The following SNX29 variants were observed in gnomAD, a reference collection of about 807,000 sequenced individuals.
SNX29 encodes the protein sorting nexin-29.
A neutral mutation model predicts 102.1 loss-of-function variants in SNX29; 78 were observed. That is an observed-to-expected ratio of 0.76 (90% CI 0.64 to 0.92). The LOEUF is 0.92. Among genes scored for constraint, SNX29 ranks in the 40% least tolerant of loss-of-function variants. SNX29 has a pLI of 0.00. For synonymous variants in SNX29, 580 were observed against 414.5 expected, an observed-to-expected ratio of 1.40 and a Z score of -4.85; for missense variants, 1,280 against 1,061.7, an observed-to-expected ratio of 1.21 and a Z score of -2.86.
At chr16:12,294,138 C>T (rs985720974) in intron 15 of SNX29, among the ~76,000 whole-genome samples, 5 of 152,232 alleles carry the variant, frequency 3.3e-5, no homozygotes, top group Non-Finnish European at 7.3e-5. Context: ...TAGCTCTAGG[C>T]GCATGCCTGG....
At chr16:12,498,130 A>G (rs2088923950) in intron 19 of SNX29, among the ~76,000 whole-genome samples, 1 of 152,230 alleles carries the variant, frequency 6.6e-6, no homozygotes, top group Admixed American at 6.5e-5. Flanking sequence ...GCATTCAGCT[A>G]TTGAAGCAGA....
At chr16:12,322,917 TCACCGGGGAC>T (rs2080991486) in intron 15 of SNX29, among the ~76,000 whole-genome samples, 1 of 135,038 alleles carries the variant, frequency 7.4e-6, no homozygotes, top group African/African-American at 3.0e-5. Flanking sequence ...GTCACTGGAG[TCACCGGGGAC>T]CACTGTCAGG....
chr16:12,217,142 T>TC (rs2077345555), intron 14 of SNX29, among the ~76,000 whole-genome samples: 3 of 152,184 alleles, frequency 2.0e-5, no homozygotes, highest in Admixed American at 6.5e-5. Flanking sequence ...GATTCTCCCA[T>TC]CTCAGCCTCT....
At chr16:12,399,420 G>A (rs906114250) in intron 17 of SNX29, among the ~76,000 whole-genome samples, 1 of 152,218 alleles carries the variant, frequency 6.6e-6, no homozygotes, top group African/African-American at 2.4e-5. Context: ...AAATGGATAA[G>A]TTGTCTCCTC....
intron 14 of SNX29, among the ~76,000 whole-genome samples, chr16:12,221,309 T>C (rs1160394835): frequency 4.6e-5 from 7 of 152,110 alleles, no homozygotes; most frequent in Non-Finnish European, 1.0e-4. Context: ...CTCGTCTTGT[T>C]CCTGTCCAAA....
intron 15 of SNX29, among the ~76,000 whole-genome samples, chr16:12,353,590 C>T (rs541832425): frequency 5.9e-5 from 9 of 152,216 alleles, no homozygotes; most frequent in East Asian, 1.9e-4. Context: ...CACCTCTCTC[C>T]GCCTCCTCCC....
chr16:12,485,528 T>A (rs1302607213), intron 19 of SNX29, among the ~76,000 whole-genome samples: 1 of 152,144 alleles, frequency 6.6e-6, no homozygotes, highest in East Asian at 1.9e-4. Context: ...AGGAACCGAC[T>A]GGTACTCGCC....
At chr16:12,229,811 A>G (rs2077718243) in intron 14 of SNX29, among the ~76,000 whole-genome samples, 1 of 152,212 alleles carries the variant, frequency 6.6e-6, no homozygotes. Flanking sequence ...GTACTGGTCA[A>G]CTGTGCTTGG....
intron 20 of SNX29, among the ~76,000 whole-genome samples, chr16:12,562,561 C>G (rs1205561536): frequency 1.3e-5 from 2 of 152,166 alleles, no homozygotes; most frequent in Non-Finnish European, 2.9e-5. Flanking sequence ...GACACTGTCC[C>G]CGTGGTCCCT....
At chr16:12,174,295 T>A (rs1010119308) in intron 13 of SNX29, among the ~76,000 whole-genome samples, 10 of 152,214 alleles carry the variant, frequency 6.6e-5, no homozygotes, top group Admixed American at 2.6e-4. Flanking sequence ...GTGGGAAGTT[T>A]GGTGCAGTGA....
intron 13 of SNX29, among the ~76,000 whole-genome samples, chr16:12,165,446 T>A (rs1299249845): frequency 6.6e-6 from 1 of 152,268 alleles, no homozygotes; most frequent in Non-Finnish European, 1.5e-5. Flanking sequence ...AAATGATACA[T>A]GTAGGCAAAA....
chr16:12,119,408 T>C (rs2053880909), intron 11 of SNX29, among the ~76,000 whole-genome samples: 1 of 152,204 alleles, frequency 6.6e-6, no homozygotes, highest in South Asian at 2.1e-4. Context: ...TCTGGAAAAG[T>C]TAATAAAGAT....
chr16:12,107,654 CAAA>C (rs540608506), intron 11 of SNX29, among the ~76,000 whole-genome samples: 1 of 151,364 alleles, frequency 6.6e-6, no homozygotes, highest in African/African-American at 2.4e-5. Flanking sequence ...AAAACAAAAA[CAAA>C]AAAAAGAGGA....
At position 12,444,399 on chromosome 16, in the gene SNX29, G is replaced by C. The variant is rs1250035313; in HGVS notation, c.2038-33320G>C. ...ATCCCTTATTGCACTGGATGCTGAG[G>C]GAGATGCAGGTGGCTGCTTCCAGCC... is the stretch of plus-strand genomic sequence containing the variant. On this transcript the variant is annotated intron_variant, in intron 18 of 20. Coordinates refer to ENST00000566228, the MANE Select transcript of SNX29 (RefSeq NM_032167.5). Among the ~76,000 whole-genome samples the C allele has an allele frequency of 2.0e-5, 3 of 152,246 alleles. No homozygotes were observed. The East Asian group carries it at 5.8e-4, about 29-fold the overall frequency.
Position 12,516,474 on chromosome 16 carries a change from C to T in SNX29, c.2179-8228C>T, listed in dbSNP as rs552816848. Among the ~76,000 whole-genome samples, 6 of 118,882 alleles carry T rather than the reference C, an allele frequency of 5.0e-5. No homozygotes were observed. The South Asian group carries it at 1.1e-3, about 22-fold the overall frequency. 78.0% of individuals were successfully genotyped at this position (118,882 alleles called of 152,430 possible). On this transcript the variant is annotated intron_variant, in intron 19 of 20. Coordinates refer to ENST00000566228, the MANE Select transcript of SNX29 (RefSeq NM_032167.5). The stretch of plus-strand genomic sequence containing the variant: ...CAGTCTTGGCAACAGAGAGATATCC[C>T]GTCTCAGAAAAAAAAAAAAAAAAAA...
At chr16:12,419,433 A>G (rs2084780463) in intron 18 of SNX29, among the ~76,000 whole-genome samples, 1 of 152,120 alleles carries the variant, frequency 6.6e-6, no homozygotes, top group Non-Finnish European at 1.5e-5. Flanking sequence ...TGACACTTGC[A>G]CGCTCTTGGT....
intron 20 of SNX29, among the ~76,000 whole-genome samples, chr16:12,565,405 T>G (rs180895188): frequency 6.6e-6 from 1 of 151,058 alleles, no homozygotes; most frequent in Non-Finnish European, 1.5e-5. Flanking sequence ...CCACTCAACT[T>G]GTCCCAAATG....
rs567937100 is a variant in SNX29, at chr16:12,465,314, A to G, written c.2038-12405A>G. Reference sequence around the variant, plus strand: ...TGCCAAGACTAGTGTCTACAAGCTCATTCCCTATGTCTTCTTCTAGGAGTT... The same window carrying G: ...TGCCAAGACTAGTGTCTACAAGCTCGTTCCCTATGTCTTCTTCTAGGAGTT... On this transcript the variant is annotated intron_variant, in intron 18 of 20. Transcript: ENST00000566228. Among the ~76,000 whole-genome samples, 6 of 152,334 alleles carry G rather than the reference A, an allele frequency of 3.9e-5. No homozygotes were observed. The South Asian group carries it at 1.0e-3, about 26-fold the overall frequency.
intron 18 of SNX29, among the ~76,000 whole-genome samples, chr16:12,411,805 G>A (rs751124912): frequency 2.0e-5 from 3 of 152,176 alleles, no homozygotes; most frequent in African/African-American, 7.2e-5. Context: ...GGATGTGACC[G>A]TGTGTGATGA....
Sources: gnomAD v4.1 joint callset for allele counts (sites outside exome capture counted in the v4.1 genomes callset) on GRCh38, gnomAD v4.1.1 for gene constraint, MANE v1.5 for transcripts, NCBI Gene and HGNC (gene_info 2026-07-23, HGNC 2026-07-21) for gene names.